Variants in CLIC5 observed in about 807,000 individuals in gnomAD.
CLIC5 encodes the protein chloride intracellular channel protein 5.
In CLIC5, 20 loss-of-function variants were observed where a neutral mutation model predicts 24.7. The ratio of observed to expected loss-of-function variants is 0.81; its 90% CI spans 0.57 to 1.18. The LOEUF (loss-of-function observed/expected upper bound fraction) is 1.18, where lower values mean the gene tolerates loss of function less well. Ranked by LOEUF, CLIC5 falls within the 50% of genes most tolerant of loss-of-function variation. CLIC5 has a pLI of 0.00. For missense variants in CLIC5, 341 were observed against 326.1 expected (o/e 1.05, Z -0.35); for synonymous variants, 159 against 135.6 (o/e 1.17, Z -1.20).
chr6:46,081,710 C>G (rs1426978064), upstream of CLIC5, among the ~76,000 whole-genome samples: 2 of 152,122 alleles, frequency 1.3e-5, no homozygotes, highest in Non-Finnish European at 2.9e-5. Flanking sequence ...CCTAAGAGAT[C>G]ATTCAAACAT....
At chr6:46,108,632 A>T in the CLIC5 span, among the ~76,000 whole-genome samples, 1 of 152,046 alleles carries the variant, frequency 6.6e-6, no homozygotes, top group Admixed American at 6.6e-5. Flanking sequence ...CTCCTGACTA[A>T]GGTGATCTAC....
At chr6:46,001,927 C>A (rs1010360040) in intron 1 of CLIC5, among the ~76,000 whole-genome samples, 24 of 152,170 alleles carry the variant, frequency 1.6e-4, no homozygotes, top group Non-Finnish European at 3.1e-4. Context: ...ATAATGCCTT[C>A]CCTGATCCTG....
intron 5 of CLIC5, among the ~76,000 whole-genome samples, chr6:45,904,258 G>C (rs945951527): frequency 6.6e-6 from 1 of 152,274 alleles, no homozygotes; most frequent in Non-Finnish European, 1.5e-5. Flanking sequence ...CAAATGCTTA[G>C]AGGAGTGCCT....
At position 45,924,980 on chromosome 6, in the gene CLIC5, T is replaced by C. The variant is rs1330729834; in HGVS notation, c.407-10571A>G. ...ATGTTTGGGGGTGGAGCAACCATCC[T>C]GTGAAACAAGAATGAAAGTCACACA... On this transcript the variant is annotated intron_variant, in intron 4 of 5. Coordinates refer to ENST00000339561, the MANE Select transcript of CLIC5 (RefSeq NM_016929.5). Among the ~76,000 whole-genome samples, 3 of 152,178 alleles carry C rather than the reference T, an allele frequency of 2.0e-5. No homozygotes were observed. In the East Asian group the frequency reaches 5.8e-4, roughly 29 times the overall value.
chr6:46,063,521 T>C (rs1174034790), intron 1 of CLIC5, among the ~76,000 whole-genome samples: 2 of 152,148 alleles, frequency 1.3e-5, no homozygotes, highest in Non-Finnish European at 2.9e-5. Context: ...CAGATCTAAA[T>C]ACCAGAGGAG....
chr6:45,919,055 C>T (rs368657047), intron 4 of CLIC5: 2 of 985,366 alleles, frequency 2.0e-6, no homozygotes, highest in South Asian at 4.7e-5. Flanking sequence ...GTCTTCCTTA[C>T]AAGCTCCTAA....
At chr6:46,003,383 G>T (rs1202064458) in intron 1 of CLIC5, among the ~76,000 whole-genome samples, 1 of 152,002 alleles carries the variant, frequency 6.6e-6, no homozygotes, top group Non-Finnish European at 1.5e-5. Flanking sequence ...TCCTCTTCAA[G>T]AACCTTATAC....
rs147607382 is a variant in CLIC5, at chr6:45,920,325, A to T, written c.407-5916T>A. The T allele has an allele frequency of 3.9e-5, 38 of 980,396 alleles. No homozygotes were observed. In the East Asian group the frequency reaches 4.3e-3, roughly 112 times the overall value. 60.7% of individuals were successfully genotyped at this position (980,396 alleles called of 1,614,324 possible). A position where few individuals can be genotyped will look rare whatever the true frequency, so the allele number is the denominator to read the frequency against. On this transcript the variant is annotated intron_variant, in intron 4 of 5. Transcript: ENST00000339561. Reference sequence around the variant, plus strand: ...TGTCACACGGGCTGTGTGACAATGAAACATCTGGTCAAAAAGTGAGAAATC... The same window carrying T: ...TGTCACACGGGCTGTGTGACAATGATACATCTGGTCAAAAAGTGAGAAATC...
At chr6:45,907,796 A>G (rs779365302) in intron 5 of CLIC5, among the ~76,000 whole-genome samples, 4 of 152,194 alleles carry the variant, frequency 2.6e-5, no homozygotes, top group Non-Finnish European at 5.9e-5. Flanking sequence ...GTTGTTGATC[A>G]GTTCCAGGAG....
At chr6:45,951,420 C>T (rs796600376) in intron 2 of CLIC5, among the ~76,000 whole-genome samples, 9 of 152,160 alleles carry the variant, frequency 5.9e-5, no homozygotes, top group African/African-American at 2.2e-4. Context: ...GCATTTCTGG[C>T]GTGCACTGGG....
At chr6:46,013,682 A>G (rs779521479) in intron 1 of CLIC5, among the ~76,000 whole-genome samples, 2 of 152,208 alleles carry the variant, frequency 1.3e-5, no homozygotes, top group East Asian at 1.9e-4. Context: ...AACACTGCCA[A>G]CAAGAAAATT....
chr6:45,958,860 A>G (rs367901184), intron 1 of CLIC5, among the ~76,000 whole-genome samples: 1 of 152,082 alleles, frequency 6.6e-6, no homozygotes, highest in East Asian at 1.9e-4. Flanking sequence ...ATTTAAATGG[A>G]TGCATGCTGA....
At position 46,080,138 on chromosome 6, in the gene CLIC5, A is replaced by G. The variant is rs1000969576; in HGVS notation, c.105T>C (p.Asp35=). Residue 35 remains aspartate (D), a synonymous_variant, in exon 1 of 6, where the codon GAT becomes GAC. Transcript: ENST00000185206. ...TTTCTGGCCTTAAGTACTCATGGAC[A>G]TCATCATAATGGGGACTTTCATTTT... is the stretch of plus-strand genomic sequence containing the variant. The G allele has an allele frequency of 3.2e-6, 5 of 1,551,702 alleles. No homozygotes were observed. In the South Asian group the frequency reaches 4.8e-5, roughly 15 times the overall value.
rs375833499 is a variant in CLIC5, at chr6:45,975,333, T to C, written c.64-20089A>G. Among the ~76,000 whole-genome samples the C allele has an allele frequency of 3.9e-5, 6 of 152,206 alleles. No homozygotes were observed. The East Asian group carries it at 7.7e-4, about 19-fold the overall frequency. On this transcript the variant is annotated intron_variant, in intron 1 of 5. Transcript: ENST00000339561. The stretch of plus-strand genomic sequence containing the variant: ...CAAATAAAGATGAAAGAAAGACTTT[T>C]AATGAAATAGAAAGTAACTTAGGTG...
intron 1 of CLIC5, among the ~76,000 whole-genome samples, chr6:45,980,528 T>C (rs764977933): frequency 7.9e-5 from 12 of 152,008 alleles, no homozygotes; most frequent in Non-Finnish European, 1.3e-4. Context: ...AATTTACCCA[T>C]GTAACAAACC....
At chr6:45,964,554 A>C (rs1157076655) in intron 1 of CLIC5, among the ~76,000 whole-genome samples, 1 of 152,176 alleles carries the variant, frequency 6.6e-6, no homozygotes, top group Non-Finnish European at 1.5e-5. Context: ...CCTGGAACCT[A>C]GCCACCATGT....
At chr6:46,058,492 C>T (rs1004986527) in intron 1 of CLIC5, among the ~76,000 whole-genome samples, 16 of 152,220 alleles carry the variant, frequency 1.1e-4, no homozygotes, top group Admixed American at 8.5e-4. Flanking sequence ...TTGTGCCTTT[C>T]CTACTCCTCC....
At chr6:45,908,244 T>G (rs1010789437) in intron 5 of CLIC5, among the ~76,000 whole-genome samples, 5 of 152,196 alleles carry the variant, frequency 3.3e-5, no homozygotes, top group Non-Finnish European at 7.4e-5. Flanking sequence ...ATTGATTCTT[T>G]GTATGAATTT....
intron 1 of CLIC5, among the ~76,000 whole-genome samples, chr6:46,024,872 T>A (rs1454575525): frequency 6.6e-6 from 1 of 152,144 alleles, no homozygotes; most frequent in Non-Finnish European, 1.5e-5. Flanking sequence ...GTATTAAAGT[T>A]CTAAATCCTC....
Sources: gnomAD v4.1 joint callset for allele counts (sites outside exome capture counted in the v4.1 genomes callset) on GRCh38, gnomAD v4.1.1 for gene constraint, MANE v1.5 for transcripts, NCBI Gene and HGNC (gene_info 2026-07-23, HGNC 2026-07-21) for gene names.